Variants in NTNG1 observed in about 807,000 individuals in gnomAD.
NTNG1 encodes the protein netrin-G1.
A neutral mutation model predicts 54.0 loss-of-function variants in NTNG1; 16 were observed. The ratio of observed to expected loss-of-function variants is 0.30; its 90% confidence interval spans 0.20 to 0.45. The LOEUF is 0.45. Ranked by LOEUF, NTNG1 falls within the 20% of genes least tolerant of loss-of-function variation. The pLI is 1.00. For missense variants in NTNG1, 530 were observed against 678.7 expected, an observed-to-expected ratio of 0.78 and a Z score of 2.43; for synonymous variants, 255 against 263.1, an observed-to-expected ratio of 0.97 and a Z score of 0.30.
At chr1:107,337,290 G>T (rs1391293637) in intron 3 of NTNG1, among the ~76,000 whole-genome samples, 1 of 151,978 alleles carries the variant, frequency 6.6e-6, no homozygotes, top group African/African-American at 2.4e-5. Flanking sequence ...AAAAAGGAAA[G>T]AAATTTTGAC....
intron 3 of NTNG1, among the ~76,000 whole-genome samples, chr1:107,360,683 A>G (rs1030772666): frequency 1.3e-5 from 2 of 152,262 alleles, no homozygotes; most frequent in African/African-American, 4.8e-5. Flanking sequence ...TTTTATCTGC[A>G]TTATCAGTCT....
intron 4 of NTNG1, among the ~76,000 whole-genome samples, chr1:107,395,970 T>C (rs1672658373): frequency 6.6e-6 from 1 of 152,186 alleles, no homozygotes; most frequent in South Asian, 2.1e-4. Context: ...GCAAGCATTA[T>C]CCGCGTTTAC....
At chr1:107,344,263 G>A (rs1315911302) in intron 3 of NTNG1, among the ~76,000 whole-genome samples, 1 of 152,138 alleles carries the variant, frequency 6.6e-6, no homozygotes, top group African/African-American at 2.4e-5. Context: ...ACAGGGAACA[G>A]GAGGATTGAT....
intron 3 of NTNG1, among the ~76,000 whole-genome samples, chr1:107,329,690 A>C (rs1450353405): frequency 2.0e-5 from 3 of 152,086 alleles, no homozygotes; most frequent in African/African-American, 7.2e-5. Context: ...ATTCTTTTCC[A>C]ATTAGTCTCA....
At chr1:107,230,394 T>G (rs1275005820) in intron 2 of NTNG1, among the ~76,000 whole-genome samples, 1 of 152,128 alleles carries the variant, frequency 6.6e-6, no homozygotes, top group Non-Finnish European at 1.5e-5. Flanking sequence ...GTCTGCAGTT[T>G]CTGCAGGATT....
intron 7 of NTNG1, among the ~76,000 whole-genome samples, chr1:107,440,590 A>G (rs1479592018): frequency 6.6e-6 from 1 of 152,206 alleles, no homozygotes. Context: ...ACATGTTGAT[A>G]TGCCATAGAA....
At chr1:107,216,130 C>T (rs958816191) in intron 2 of NTNG1, among the ~76,000 whole-genome samples, 4 of 152,102 alleles carry the variant, frequency 2.6e-5, no homozygotes, top group African/African-American at 9.7e-5. Context: ...CATTTGGATG[C>T]CCCTTATTTC....
At chr1:107,357,677 A>T (rs1180930640) in intron 3 of NTNG1, among the ~76,000 whole-genome samples, 1 of 152,026 alleles carries the variant, frequency 6.6e-6, no homozygotes, top group Non-Finnish European at 1.5e-5. Flanking sequence ...ACTGGAAAAA[A>T]ATTATTTTTT....
chr1:107,233,588 G>T (rs1661207701), intron 2 of NTNG1, among the ~76,000 whole-genome samples: 1 of 152,138 alleles, frequency 6.6e-6, no homozygotes, highest in South Asian at 2.1e-4. Flanking sequence ...TCAGCATGGT[G>T]GTCAAGTTCT....
At chr1:107,335,844 A>T (rs941220862) in intron 3 of NTNG1, among the ~76,000 whole-genome samples, 4 of 151,950 alleles carry the variant, frequency 2.6e-5, no homozygotes, top group African/African-American at 9.7e-5. Flanking sequence ...AATAGCGTAA[A>T]AATAATAAAA....
chr1:107,328,786 T>C (rs1053575602), intron 3 of NTNG1: 4 of 152,176 alleles, frequency 2.6e-5, no homozygotes, highest in Non-Finnish European at 5.9e-5. Context: ...AAAGAAATAA[T>C]GTGATTTAAT....
At chr1:107,282,191 C>T (rs1012039297) in intron 2 of NTNG1, among the ~76,000 whole-genome samples, 1 of 152,078 alleles carries the variant, frequency 6.6e-6, no homozygotes, top group African/African-American at 2.4e-5. Flanking sequence ...TCCCATAAAC[C>T]ACTTTGGTTT....
intron 2 of NTNG1, among the ~76,000 whole-genome samples, chr1:107,175,117 C>G (rs539366167): frequency 1.6e-4 from 24 of 152,104 alleles, no homozygotes; most frequent in Non-Finnish European, 2.5e-4. Flanking sequence ...CTTTTGAAAC[C>G]TAGCACAGTG....
At chr1:107,309,020 T>C (rs1666852313) in intron 2 of NTNG1, among the ~76,000 whole-genome samples, 1 of 45,254 alleles carries the variant, frequency 2.2e-5, no homozygotes, top group African/African-American at 3.7e-5. Context: ...TTTTCCTTTG[T>C]TCTCTACTTC....
At chr1:107,456,623 C>A (rs1676973646) in intron 7 of NTNG1, among the ~76,000 whole-genome samples, 1 of 152,196 alleles carries the variant, frequency 6.6e-6, no homozygotes, top group South Asian at 2.1e-4. Flanking sequence ...GCTGCAGATA[C>A]CACACTACAT....
chr1:107,466,645 G>T (rs1306717297), intron 7 of NTNG1, among the ~76,000 whole-genome samples: 1 of 152,130 alleles, frequency 6.6e-6, no homozygotes, highest in East Asian at 1.9e-4. Flanking sequence ...TCTAACCTGG[G>T]TATGTCTTAG....
At chr1:107,400,437 CAA>C (rs1051371696) in intron 4 of NTNG1, among the ~76,000 whole-genome samples, 1 of 152,106 alleles carries the variant, frequency 6.6e-6, no homozygotes, top group Non-Finnish European at 1.5e-5. Flanking sequence ...TAAATCCCCA[CAA>C]TATCCCCATG....
At chr1:107,233,049 A>G (rs1661175842) in intron 2 of NTNG1, among the ~76,000 whole-genome samples, 1 of 152,166 alleles carries the variant, frequency 6.6e-6, no homozygotes. Flanking sequence ...GACCACTAAC[A>G]TGTTCTACTT....
chr1:107,355,250 T>G (rs1669867722), intron 3 of NTNG1, among the ~76,000 whole-genome samples: 1 of 151,930 alleles, frequency 6.6e-6, no homozygotes, highest in Non-Finnish European at 1.5e-5. Context: ...TTTACAGGTC[T>G]AGTCTTTTTT....
Sources: gnomAD v4.1 joint callset for allele counts (sites outside exome capture counted in the v4.1 genomes callset) on GRCh38, gnomAD v4.1.1 for gene constraint, MANE v1.5 for transcripts, NCBI Gene and HGNC (gene_info 2026-07-23, HGNC 2026-07-21) for gene names.